Variants in MYRIP observed in about 807,000 individuals in gnomAD.
MYRIP encodes myosin VIIA and Rab interacting protein, also known as rab effector MyRIP.
A neutral mutation model predicts 98.0 loss-of-function variants in MYRIP; 49 were observed. The ratio of observed to expected loss-of-function variants is 0.50; its 90% CI spans 0.40 to 0.63. The LOEUF is 0.63. Among genes scored for constraint, MYRIP ranks in the 30% least tolerant of loss-of-function variants. The pLI, the probability that MYRIP is intolerant of heterozygous loss-of-function variation, is 0.00. For missense variants in MYRIP, 1,004 were observed against 1,058.2 expected (o/e 0.95, Z 0.71); for synonymous variants, 404 against 409.5 (o/e 0.99, Z 0.16).
intron 4 of MYRIP, among the ~76,000 whole-genome samples, chr3:40,151,573 T>C (rs1427624944): frequency 6.6e-6 from 1 of 152,226 alleles, no homozygotes; most frequent in Non-Finnish European, 1.5e-5. Context: ...CCTTCTACCT[T>C]CCTTTCTTCT....
chr3:40,141,947 C>A (rs930717523), intron 3 of MYRIP, among the ~76,000 whole-genome samples: 2 of 150,898 alleles, frequency 1.3e-5, no homozygotes, highest in African/African-American at 4.9e-5. Context: ...TGGTTCCATA[C>A]AAATCTTAGG....
intron 3 of MYRIP, among the ~76,000 whole-genome samples, chr3:40,106,461 G>A (rs1471453050): frequency 6.6e-6 from 1 of 152,080 alleles, no homozygotes; most frequent in African/African-American, 2.4e-5. Context: ...TTTGGGCTTT[G>A]TTTATGGCTG....
intron 8 of MYRIP, among the ~76,000 whole-genome samples, chr3:40,180,866 T>C (rs936685617): frequency 2.9e-4 from 44 of 152,272 alleles, no homozygotes; most frequent in African/African-American, 1.0e-3. Context: ...TCCAACAGAG[T>C]GAACCAGACG....
intron 1 of MYRIP, among the ~76,000 whole-genome samples, chr3:39,888,816 T>A (rs1575347865): frequency 1.3e-5 from 2 of 152,146 alleles, no homozygotes; most frequent in East Asian, 1.9e-4. Context: ...TACAATGAAC[T>A]CAAACAAATT....
chr3:39,953,911 G>C (rs1436526683), intron 2 of MYRIP, among the ~76,000 whole-genome samples: 1 of 152,162 alleles, frequency 6.6e-6, no homozygotes, highest in East Asian at 1.9e-4. Context: ...CTCGCTTACT[G>C]CTAGCACAGC....
chr3:39,821,721 CTT>C (rs1559485754), intron 1 of MYRIP, among the ~76,000 whole-genome samples: 1 of 151,818 alleles, frequency 6.6e-6, no homozygotes, highest in African/African-American at 2.4e-5. Context: ...TGACTTATGA[CTT>C]ATATGTTTTT....
chr3:40,250,000 T>C (rs1698138728), intron 13 of MYRIP, among the ~76,000 whole-genome samples: 2 of 152,158 alleles, frequency 1.3e-5, no homozygotes, highest in Admixed American at 6.5e-5. Flanking sequence ...TGACATGCTC[T>C]AGAGCTAACA....
chr3:40,164,306 T>C (rs1027486973), intron 5 of MYRIP, among the ~76,000 whole-genome samples: 2 of 152,194 alleles, frequency 1.3e-5, no homozygotes, highest in Admixed American at 1.3e-4. Context: ...TGTTCTCCAA[T>C]ACACTAAGTA....
chr3:40,167,952 C>A (rs897079598), intron 7 of MYRIP, among the ~76,000 whole-genome samples: 5 of 152,194 alleles, frequency 3.3e-5, no homozygotes, highest in Non-Finnish European at 5.9e-5. Context: ...TATGCACCAA[C>A]AAGGAAGGTT....
In MYRIP at chr3:40,038,537, T is replaced by C. The variant is rs1336761393; in HGVS notation, c.111-5513T>C. Among the ~76,000 whole-genome samples the C allele has an allele frequency of 2.0e-5, 3 of 152,150 alleles. No individual in the cohort carries two copies. In the East Asian group the frequency reaches 5.8e-4, roughly 29 times the overall value. ...CTGAACAAGGGACAAATAAACAATA[T>C]TCTGAAAGAAAAGAGGGACATAATG... On this transcript the variant is annotated intron_variant, in intron 2 of 16. Coordinates refer to ENST00000302541, the MANE Select transcript of MYRIP (RefSeq NM_015460.4).
At chr3:39,999,552 T>C (rs1178495877) in intron 2 of MYRIP, among the ~76,000 whole-genome samples, 3 of 151,936 alleles carry the variant, frequency 2.0e-5, no homozygotes, top group East Asian at 1.9e-4. Flanking sequence ...TGTGGAGAAA[T>C]AGGAAAACTT....
chr3:40,052,400 T>G (rs892775964), intron 3 of MYRIP, among the ~76,000 whole-genome samples: 9 of 152,280 alleles, frequency 5.9e-5, no homozygotes, highest in Non-Finnish European at 1.3e-4. Context: ...GATACTCCAA[T>G]GTATTTGTAA....
intron 2 of MYRIP, among the ~76,000 whole-genome samples, chr3:39,965,562 TAGG>T (rs1380663125): frequency 6.6e-6 from 1 of 152,124 alleles, no homozygotes; most frequent in East Asian, 1.9e-4. Context: ...AGATATATAT[TAGG>T]AGATTTATTG....
At chr3:39,819,185 C>T (rs1248083361) in intron 1 of MYRIP, among the ~76,000 whole-genome samples, 1 of 151,992 alleles carries the variant, frequency 6.6e-6, no homozygotes, top group Non-Finnish European at 1.5e-5. Context: ...CTCGTTTCTA[C>T]TAAATACAAA....
At chr3:39,925,746 G>A (rs1944407779) in intron 2 of MYRIP, among the ~76,000 whole-genome samples, 1 of 152,130 alleles carries the variant, frequency 6.6e-6, no homozygotes, top group Non-Finnish European at 1.5e-5. Context: ...GGGTGCCTAA[G>A]TTGATTCCAT....
At chr3:40,151,695 A>G (rs1433263568) in intron 4 of MYRIP, among the ~76,000 whole-genome samples, 1 of 152,212 alleles carries the variant, frequency 6.6e-6, no homozygotes, top group African/African-American at 2.4e-5. Context: ...TGCTGTTTTT[A>G]TACAGTTAAG....
intron 3 of MYRIP, among the ~76,000 whole-genome samples, chr3:40,128,391 GTAGC>G (rs1949565087): frequency 2.0e-5 from 3 of 152,208 alleles, no homozygotes; most frequent in Admixed American, 2.0e-4. Flanking sequence ...GCACGGCTCA[GTAGC>G]TACAGGCTGG....
intron 1 of MYRIP, among the ~76,000 whole-genome samples, chr3:39,855,945 G>T (rs1336982332): frequency 6.6e-6 from 1 of 152,212 alleles, no homozygotes; most frequent in Non-Finnish European, 1.5e-5. Context: ...CCCCCTGTGA[G>T]ATATAGTCAG....
At chr3:40,034,408 C>G (rs1380626953) in intron 2 of MYRIP, among the ~76,000 whole-genome samples, 2 of 151,976 alleles carry the variant, frequency 1.3e-5, no homozygotes, top group Non-Finnish European at 2.9e-5. Context: ...AACAAGTGGG[C>G]GAAGGATATG....
Sources: allele counts gnomAD v4.1 joint callset (sites outside exome capture counted in the v4.1 genomes callset), GRCh38; gene constraint gnomAD v4.1.1; transcripts MANE v1.5; gene names NCBI Gene and HGNC (gene_info 2026-07-23, HGNC 2026-07-21).